The following PI4K2B variants were observed in gnomAD, a reference collection of about 807,000 sequenced individuals.
PI4K2B encodes phosphatidylinositol 4-kinase type 2-beta.
PI4K2B carries 46 observed loss-of-function variants against 56.6 expected under a neutral mutation model. The ratio of observed to expected loss-of-function variants is 0.81; its 90% confidence interval spans 0.64 to 1.04. The LOEUF is 1.04. PI4K2B is among the 50% of genes least tolerant of loss of function. The probability of loss-of-function intolerance (pLI) is 0.00; values close to 1 mark genes in which losing one functional copy is unlikely to be tolerated. For missense variants in PI4K2B, 556 were observed against 607.7 expected, an observed-to-expected ratio of 0.91 and a Z score of 0.89; for synonymous variants, 211 against 223.8, an observed-to-expected ratio of 0.94 and a Z score of 0.51.
rs370873122 is a variant in PI4K2B, at chr4:25,244,028, CT to C, written c.269-8292del. Among the ~76,000 whole-genome samples the C allele has an allele frequency of 3.7e-3, 559 of 152,284 alleles. 2 individuals are homozygous for C. The highest frequency in any genetic ancestry group is 0.013 in the African/African-American group (540 of 41,560). On this transcript the variant is annotated intron_variant, in intron 1 of 9. Transcript: ENST00000264864. Reference sequence around the variant, plus strand: ...TTCTCATTAAAGGCCAGGATTTGATCTAAGAGTAGCATGACATCTCTCCAAG... The same window carrying C: ...TTCTCATTAAAGGCCAGGATTTGATCAAGAGTAGCATGACATCTCTCCAAG...
chr4:25,260,872 T>G lies in PI4K2B; in HGVS notation c.978+281T>G, dbSNP rs1468375719. Among the ~76,000 whole-genome samples the G allele has an allele frequency of 1.1e-3, 32 of 29,396 alleles. 1 individual carries two copies. The highest frequency in any genetic ancestry group is 0.019 in the Middle Eastern group (1 of 54). The allele number at this position is 29,396 out of a possible 152,430, so 19.3% of individuals were successfully genotyped here. ...ACGTTGCATTTCTTGATTCTTGATT[T>G]TTTTTTTTTTTTTTTTTTAGGGGTG... On this transcript the variant is annotated intron_variant, in intron 6 of 9. Transcript: ENST00000264864.
chr4:25,246,271 C>T (rs1430772995), intron 1 of PI4K2B, among the ~76,000 whole-genome samples: 3 of 152,074 alleles, frequency 2.0e-5, no homozygotes, highest in Non-Finnish European at 2.9e-5. Context: ...CCTTATCTGG[C>T]CCCACCCACA....
At chr4:25,258,846 ATTCT>A (rs1481110642) in intron 4 of PI4K2B, among the ~76,000 whole-genome samples, 187 bp from the exon 5 acceptor site, 1 of 152,088 alleles carries the variant, frequency 6.6e-6, no homozygotes, top group African/African-American at 2.4e-5. Context: ...TTTGCTATGT[ATTCT>A]TTATGTGATT....
chr4:25,247,717 T>C lies in PI4K2B; in HGVS notation c.269-4604T>C, dbSNP rs539512578. Among the ~76,000 whole-genome samples the C allele has an allele frequency of 2.6e-5, 4 of 152,282 alleles. No individual in the cohort carries two copies. In the South Asian group the frequency reaches 8.3e-4, roughly 32 times the overall value. ...TTGTGAACACCTCAAGTTTCTTTTT[T>C]TTTTTGAGACAGGGTCTTATTCTGA... is the stretch of plus-strand genomic sequence containing the variant. On this transcript the variant is annotated intron_variant, in intron 1 of 9. Coordinates refer to ENST00000264864, the MANE Select transcript of PI4K2B (RefSeq NM_018323.4).
intron 9 of PI4K2B, among the ~76,000 whole-genome samples, chr4:25,273,517 T>C (rs1716984248): frequency 6.6e-6 from 1 of 152,184 alleles, no homozygotes; most frequent in Non-Finnish European, 1.5e-5. Context: ...TTGTTTATCC[T>C]CAAAACACCT....
chr4:25,234,533 C>T (rs1715160225), intron 1 of PI4K2B, 102 bp downstream of exon 1: 1 of 824,914 alleles, frequency 1.2e-6, no homozygotes, highest in Non-Finnish European at 1.6e-6. Flanking sequence ...GGTGGACGGG[C>T]TTTCCCCGCT....
chr4:25,272,141 T>C (rs1051256050), intron 9 of PI4K2B, among the ~76,000 whole-genome samples: 2 of 151,526 alleles, frequency 1.3e-5, no homozygotes, highest in Non-Finnish European at 1.5e-5. Context: ...CAAGACCTTG[T>C]CTTAAAAAAA....
chr4:25,248,958 C>G (rs1051995455), intron 1 of PI4K2B, among the ~76,000 whole-genome samples: 1 of 151,860 alleles, frequency 6.6e-6, no homozygotes. Flanking sequence ...AGGGCCCTGC[C>G]GCCTTCCGCA....
At chr4:25,246,835 C>T (rs1045334568) in intron 1 of PI4K2B, among the ~76,000 whole-genome samples, 3 of 152,234 alleles carry the variant, frequency 2.0e-5, no homozygotes, top group Non-Finnish European at 4.4e-5. Flanking sequence ...CCCAGCAGCA[C>T]CCTCTGCAGC....
chr4:25,236,479 A>G (rs1467275371), intron 1 of PI4K2B, among the ~76,000 whole-genome samples: 2 of 151,212 alleles, frequency 1.3e-5, no homozygotes, highest in Non-Finnish European at 2.9e-5. Context: ...TCTGAACCCG[A>G]GAGGTGTAGG....
At position 25,277,108 on chromosome 4, in the gene PI4K2B, G is replaced by A; in HGVS notation, c.1367G>A (p.Ser456Asn). Residue 456 changes from serine to asparagine, a missense_variant, in exon 10 of 10, where the codon AGT becomes AAT. Physicochemically the swap from Ser to Asn is conservative, Grantham distance 46. Coordinates refer to ENST00000264864, the MANE Select transcript of PI4K2B (RefSeq NM_018323.4). Reference sequence around the variant, plus strand: ...ATTGTGGAACGCAGTCAAGGTGGAAGTCAGGGTCGGATTGTCCACCTGAGC... The same window carrying A: ...ATTGTGGAACGCAGTCAAGGTGGAAATCAGGGTCGGATTGTCCACCTGAGC... ...CVIVERSQGG[S>N]QGRIVHLSNS... 1.2e-6 allele frequency: 2 copies of A among 1,614,054 alleles called. No homozygotes were observed. The highest frequency in any genetic ancestry group is 2.2e-5 in the South Asian group (2 of 91,072).
At chr4:25,256,506 C>T in intron 3 of PI4K2B, 37 bp from the exon 4 acceptor site, 8 of 1,590,150 alleles carry the variant, frequency 5.0e-6, no homozygotes, top group East Asian at 2.2e-5. Flanking sequence ...TACTATAATG[C>T]AAATTCTAAC....
At chr4:25,256,458 A>G (rs1577688425) in intron 3 of PI4K2B, 85 bp from the exon 4 acceptor site, 1 of 1,267,304 alleles carries the variant, frequency 7.9e-7, no homozygotes, top group East Asian at 2.4e-5. Flanking sequence ...GCTAATTTTC[A>G]TCATTAGAGT....
At chr4:25,234,518 G>A in intron 1 of PI4K2B, 87 bp downstream of exon 1, 1 of 971,844 alleles carries the variant, frequency 1.0e-6, no homozygotes, top group South Asian at 4.8e-5. Flanking sequence ...GCGCGCGCTG[G>A]CCGAGGTGGA....
intron 6 of PI4K2B, among the ~76,000 whole-genome samples, chr4:25,262,840 G>T (rs1716527797): frequency 6.6e-6 from 1 of 152,102 alleles, no homozygotes; most frequent in Non-Finnish European, 1.5e-5. Flanking sequence ...TTTCTCCTGA[G>T]ATCTTTATTT....
At chr4:25,255,551 A>G (rs1056637337) in intron 3 of PI4K2B, among the ~76,000 whole-genome samples, 1 of 152,250 alleles carries the variant, frequency 6.6e-6, no homozygotes, top group African/African-American at 2.4e-5. Context: ...CAGAGATCCT[A>G]TTGAAGGCAG....
intron 1 of PI4K2B, among the ~76,000 whole-genome samples, chr4:25,241,560 AAGT>A (rs1331751927): frequency 2.0e-5 from 3 of 152,166 alleles, no homozygotes; most frequent in African/African-American, 7.2e-5. Flanking sequence ...CCTGGTATCT[AAGT>A]AGGCGGTTGT....
intron 1 of PI4K2B, among the ~76,000 whole-genome samples, chr4:25,237,389 G>A (rs113709687): frequency 0.01 from 1,561 of 151,748 alleles, 23 homozygotes; most frequent in African/African-American, 0.035. Flanking sequence ...GGGTGGCAGT[G>A]GGGGAACAGA....
intron 9 of PI4K2B, among the ~76,000 whole-genome samples, chr4:25,269,687 A>G (rs1716802317): frequency 6.7e-6 from 1 of 149,518 alleles, no homozygotes; most frequent in African/African-American, 2.4e-5. Context: ...TCTTCCCTCT[A>G]TTATCTTATA....
Sources: gnomAD v4.1 joint callset for allele counts (sites outside exome capture counted in the v4.1 genomes callset) on GRCh38, gnomAD v4.1.1 for gene constraint, MANE v1.5 for transcripts, NCBI Gene and HGNC (gene_info 2026-07-23, HGNC 2026-07-21) for gene names.